PDE1A: variants seen among roughly 807,000 people sequenced by gnomAD.
PDE1A encodes the protein phosphodiesterase 1A, also known as dual specificity calcium/calmodulin-dependent 3',5'-cyclic nucleotide phosphodiesterase 1A.
Under a neutral mutation model 61.7 loss-of-function variants are expected in PDE1A, and 35 were observed. The observed-to-expected ratio is 0.57, with a 90% CI of 0.43 to 0.75. The LOEUF (loss-of-function observed/expected upper bound fraction) is 0.75, where lower values mean the gene tolerates loss of function less well. Among genes scored for constraint, PDE1A ranks in the 30% least tolerant of loss-of-function variants. The probability of loss-of-function intolerance (pLI) is 0.00; values close to 1 mark genes in which losing one functional copy is unlikely to be tolerated. For missense variants in PDE1A, 597 were observed against 630.6 expected (o/e 0.95, Z 0.57); for synonymous variants, 232 against 213.2 (o/e 1.09, Z -0.77).
chr2:182,245,684 T>C (rs1479619505), intron 2 of PDE1A, among the ~76,000 whole-genome samples: 2 of 149,364 alleles, frequency 1.3e-5, no homozygotes, highest in Admixed American at 1.4e-4. Context: ...CATGGCTTGA[T>C]AGCTAATTTC....
chr2:182,172,432 T>C (rs1692312652), intron 13 of PDE1A, among the ~76,000 whole-genome samples: 1 of 152,044 alleles, frequency 6.6e-6, no homozygotes. Flanking sequence ...ATCCATAGTT[T>C]TTACATTTGT....
At chr2:182,700,025 A>C in the PDE1A span, among the ~76,000 whole-genome samples, 1 of 152,208 alleles carries the variant, frequency 6.6e-6, no homozygotes. Context: ...AAAATGGACA[A>C]GACCTTATTC....
the PDE1A span, among the ~76,000 whole-genome samples, chr2:182,552,721 C>T: frequency 6.6e-6 from 1 of 152,136 alleles, no homozygotes; most frequent in Non-Finnish European, 1.5e-5. Context: ...CCTGAGAGCA[C>T]AGTGGGAGGG....
the PDE1A span, among the ~76,000 whole-genome samples, chr2:182,594,762 G>A: frequency 2.0e-5 from 3 of 152,150 alleles, no homozygotes; most frequent in East Asian, 1.9e-4. Context: ...AAGCAGGCAC[G>A]GAGTCCAACT....
chr2:182,310,083 A>G (rs1030873400), intron 1 of PDE1A, among the ~76,000 whole-genome samples: 1 of 152,198 alleles, frequency 6.6e-6, no homozygotes, highest in Non-Finnish European at 1.5e-5. Flanking sequence ...AGATGAGGCA[A>G]AAATGAAATC....
intron 13 of PDE1A, among the ~76,000 whole-genome samples, chr2:182,174,461 T>C (rs897304279): frequency 7.2e-5 from 11 of 152,122 alleles, no homozygotes; most frequent in African/African-American, 2.7e-4. Context: ...GTGATACTTT[T>C]CAGAAGGAGC....
At chr2:182,383,153 C>T (rs908976269) in intron 1 of PDE1A, among the ~76,000 whole-genome samples, 8 of 152,160 alleles carry the variant, frequency 5.3e-5, no homozygotes, top group Non-Finnish European at 1.0e-4. Flanking sequence ...TTCTAGTAAC[C>T]TATTCCTCAC....
At chr2:182,495,116 C>T (rs990281483) in intron 2 of PDE1A, among the ~76,000 whole-genome samples, 10 of 152,116 alleles carry the variant, frequency 6.6e-5, no homozygotes, top group Non-Finnish European at 1.2e-4. Context: ...CTAAGGTGCA[C>T]GTGGCCGGCA....
At chr2:182,443,693 T>A (rs113136444) in intron 2 of PDE1A, among the ~76,000 whole-genome samples, 7 of 151,068 alleles carry the variant, frequency 4.6e-5, no homozygotes, top group African/African-American at 1.7e-4. Flanking sequence ...TTTTATTTTC[T>A]TTTTTCCTTT....
chr2:182,555,794 C>T, the PDE1A span, among the ~76,000 whole-genome samples: 1 of 151,566 alleles, frequency 6.6e-6, no homozygotes, highest in African/African-American at 2.4e-5. Flanking sequence ...GATGAAACCC[C>T]TGTCTCTACT....
intron 1 of PDE1A, among the ~76,000 whole-genome samples, chr2:182,270,130 A>G (rs1038057936): frequency 2.6e-5 from 4 of 152,144 alleles, no homozygotes; most frequent in Non-Finnish European, 5.9e-5. Context: ...TAGTTTTTAA[A>G]GGGACTTCCT....
chr2:182,624,158 T>G, the PDE1A span, among the ~76,000 whole-genome samples: 1 of 151,548 alleles, frequency 6.6e-6, no homozygotes, highest in East Asian at 1.9e-4. Context: ...AGACAGGTTT[T>G]GGTTTTATTC....
the PDE1A span, among the ~76,000 whole-genome samples, chr2:182,633,971 C>A: frequency 6.6e-6 from 1 of 152,036 alleles, no homozygotes; most frequent in African/African-American, 2.4e-5. Context: ...CGCCTGTAGT[C>A]CCAGCTACTG....
chr2:182,709,531 A>G, the PDE1A span, among the ~76,000 whole-genome samples: 1 of 152,252 alleles, frequency 6.6e-6, no homozygotes, highest in African/African-American at 2.4e-5. Context: ...ACGTAATTAT[A>G]ATATATTGTG....
At chr2:182,626,409 A>G in the PDE1A span, among the ~76,000 whole-genome samples, 3 of 152,066 alleles carry the variant, frequency 2.0e-5, no homozygotes, top group African/African-American at 4.8e-5. Flanking sequence ...AAAAAGCCCA[A>G]GGATATATTT....
chr2:182,538,411 T>C, the PDE1A span, among the ~76,000 whole-genome samples: 1 of 152,194 alleles, frequency 6.6e-6, no homozygotes, highest in East Asian at 1.9e-4. Flanking sequence ...CAATATCTTC[T>C]GTAGATATTA....
At chr2:182,367,347 G>A (rs1699891498) in intron 1 of PDE1A, among the ~76,000 whole-genome samples, 1 of 151,980 alleles carries the variant, frequency 6.6e-6, no homozygotes, top group Non-Finnish European at 1.5e-5. Context: ...TTACAAGAGT[G>A]TGATATCCAT....
chr2:182,280,515 C>G (rs936777197), intron 1 of PDE1A, among the ~76,000 whole-genome samples: 1 of 151,806 alleles, frequency 6.6e-6, no homozygotes, highest in Admixed American at 6.6e-5. Flanking sequence ...TTCTTTCTTC[C>G]CACTTGATTG....
chr2:182,489,343 G>A (rs1192733240), intron 2 of PDE1A, among the ~76,000 whole-genome samples: 1 of 152,180 alleles, frequency 6.6e-6, no homozygotes, highest in Non-Finnish European at 1.5e-5. Context: ...AAGGATGTTT[G>A]ATTTTACTCT....
Sources: gnomAD v4.1 joint callset for allele counts (sites outside exome capture counted in the v4.1 genomes callset) on GRCh38, gnomAD v4.1.1 for gene constraint, MANE v1.5 for transcripts, NCBI Gene and HGNC (gene_info 2026-07-23, HGNC 2026-07-21) for gene names.